The following AGAP1 variants were observed in gnomAD, a reference collection of about 807,000 sequenced individuals.
AGAP1 encodes the protein ArfGAP with GTPase domain, ankyrin repeat and PH domain 1, also known as arf-GAP with GTPase, ANK repeat and PH domain-containing protein 1.
AGAP1 carries 29 observed loss-of-function variants against 105.3 expected under a neutral mutation model. The observed-to-expected ratio is 0.28, with a 90% CI of 0.21 to 0.38. AGAP1 has a LOEUF of 0.38. Ranked by LOEUF, AGAP1 falls within the 10% of genes least tolerant of loss-of-function variation. The probability of loss-of-function intolerance (pLI) is 1.00; values close to 1 mark genes in which losing one functional copy is unlikely to be tolerated. For synonymous variants in AGAP1, 509 were observed against 485.9 expected (o/e 1.05, Z -0.63); for missense variants, 998 against 1,165.1 (o/e 0.86, Z 2.09).
In AGAP1 at chr2:235,622,945, T is replaced by C. The variant is rs1362809182; in HGVS notation, c.164-86234T>C. ...AACCACGTCCCCAGCTATTCCCACC[T>C]GCACACTGGAGGGAAGCAGGAGGGG... On this transcript the variant is annotated intron_variant, in intron 1 of 17. Coordinates refer to ENST00000304032, the MANE Select transcript of AGAP1 (RefSeq NM_001037131.3). The surrounding 1 kb of genome is among the most constrained non-coding windows in gnomAD (Gnocchi z 5.0). Among the ~76,000 whole-genome samples the C allele has an allele frequency of 6.6e-6, 1 of 152,114 alleles. No homozygotes were observed. Among genetic ancestry groups the C allele is most frequent in the Non-Finnish European group, 1.5e-5 (1 of 68,030 alleles).
chr2:235,720,772 A>AG lies in AGAP1; in HGVS notation c.310+3132dup, dbSNP rs1352045388. ...TGGCTGGGATATGTAGACTGCTGGGAGGGGTGAGGGTGAGGGCCTTCCTGT... is the reference window on the plus strand; with the variant it reads ...TGGCTGGGATATGTAGACTGCTGGGAGGGGGTGAGGGTGAGGGCCTTCCTGT... On this transcript the variant is annotated intron_variant, in intron 3 of 17. Transcript: ENST00000304032. The surrounding 1 kb of genome is among the most constrained non-coding windows in gnomAD (Gnocchi z 5.0). The AG allele has an allele frequency of 1.1e-6, 1 of 939,716 alleles. No individual in the cohort carries two copies. Among genetic ancestry groups the AG allele is most frequent in the African/African-American group, 1.8e-5 (1 of 56,046 alleles). 58.2% of individuals were successfully genotyped at this position (939,716 alleles called of 1,614,324 possible).
At chr2:235,526,789 T>A (rs1942857089) in intron 1 of AGAP1, among the ~76,000 whole-genome samples, 4 of 150,852 alleles carry the variant, frequency 2.7e-5, no homozygotes, top group African/African-American at 1.0e-4. Context: ...CTACTTTGGG[T>A]TCAGAATAGT....
chr2:235,640,564 T>A (rs1251232975), intron 1 of AGAP1, among the ~76,000 whole-genome samples: 1 of 152,208 alleles, frequency 6.6e-6, no homozygotes, highest in Non-Finnish European at 1.5e-5. Context: ...TACTGACTGT[T>A]CTCTTCGGTA....
intron 12 of AGAP1, among the ~76,000 whole-genome samples, chr2:235,932,497 C>T (rs1038832816): frequency 1.3e-5 from 2 of 152,206 alleles, no homozygotes; most frequent in Non-Finnish European, 2.9e-5. Context: ...GCCGCCATCT[C>T]GTGAAGGTGT....
In AGAP1 at chr2:235,716,640, G is replaced by T. The variant is rs148507272; in HGVS notation, c.223-917G>T. Among the ~76,000 whole-genome samples, 1 of 152,216 alleles carries T rather than the reference G, an allele frequency of 6.6e-6. No individual in the cohort carries two copies. The highest frequency in any genetic ancestry group is 2.4e-5 in the African/African-American group (1 of 41,540). On this transcript the variant is annotated intron_variant, in intron 2 of 17. Transcript: ENST00000304032. The surrounding 1 kb of genome is among the most constrained non-coding windows in gnomAD (Gnocchi z 4.0). ...ATTTGATCACTAGCGATGTTCTAGTGGGGGAGGAAAAGGTTAAAATGCAGG... is the reference window on the plus strand; with the variant it reads ...ATTTGATCACTAGCGATGTTCTAGTTGGGGAGGAAAAGGTTAAAATGCAGG...
At chr2:235,500,332 A>T (rs1032221899) in intron 1 of AGAP1, among the ~76,000 whole-genome samples, 6 of 151,868 alleles carry the variant, frequency 4.0e-5, no homozygotes, top group Non-Finnish European at 7.4e-5. Context: ...ATGGAAACAG[A>T]TTGCCGGCCC....
In AGAP1 at chr2:236,113,165, G is replaced by C. The variant is rs189517033; in HGVS notation, c.2115-7027G>C. ...GTTTGTTTTGTTTGTTTTTGAGACG[G>C]AGTCTCGCTCTTTTGCCCAGGCTGG... is the stretch of plus-strand genomic sequence containing the variant. On this transcript the variant is annotated intron_variant, in intron 16 of 17. Transcript: ENST00000304032. The surrounding 1 kb of genome is among the most constrained non-coding windows in gnomAD (Gnocchi z 4.3). Among the ~76,000 whole-genome samples, 205 of 152,312 alleles carry C rather than the reference G, an allele frequency of 1.3e-3. No homozygotes were observed. Among genetic ancestry groups the C allele is most frequent in the Non-Finnish European group, 2.5e-3 (171 of 68,032 alleles).
intron 1 of AGAP1, among the ~76,000 whole-genome samples, chr2:235,653,475 A>G (rs1294162017): frequency 7.7e-6 from 1 of 129,084 alleles, no homozygotes; most frequent in African/African-American, 3.2e-5. Flanking sequence ...AAAAATAAAT[A>G]AAATAAAATA....
Position 235,859,466 on chromosome 2 carries a change from A to G in AGAP1, c.1051-23879A>G, listed in dbSNP as rs557654484. 6.6e-5 allele frequency among the ~76,000 whole-genome samples: 9 copies of G among 135,548 alleles called. No homozygotes were observed. In the South Asian group the frequency reaches 1.4e-3, roughly 21 times the overall value. 88.9% of individuals were successfully genotyped at this position (135,548 alleles called of 152,430 possible). On this transcript the variant is annotated intron_variant, in intron 9 of 17. Transcript: ENST00000304032. ...ATATTACCTCTAAAAACGACACACTATTTTGGATCTGCAGCTTTCAGATAG... is the reference window on the plus strand; with the variant it reads ...ATATTACCTCTAAAAACGACACACTGTTTTGGATCTGCAGCTTTCAGATAG...
At chr2:236,085,255 A>G (rs1367807696) in intron 16 of AGAP1, among the ~76,000 whole-genome samples, 5 of 151,760 alleles carry the variant, frequency 3.3e-5, no homozygotes, top group East Asian at 3.9e-4. Context: ...TATTTACCCA[A>G]TTCTGTGACT....
chr2:235,673,636 A>G (rs1185298181), intron 1 of AGAP1, among the ~76,000 whole-genome samples: 1 of 152,244 alleles, frequency 6.6e-6, no homozygotes, highest in Non-Finnish European at 1.5e-5. Context: ...ATTTATGAAA[A>G]GAAGTTCCAT....
rs1408534869 is a variant in AGAP1, at chr2:235,752,145, T to G, written c.673+1657T>G. Among the ~76,000 whole-genome samples, 4 of 152,194 alleles carry G rather than the reference T, an allele frequency of 2.6e-5. No homozygotes were observed. The highest frequency in any genetic ancestry group is 9.6e-5 in the African/African-American group (4 of 41,454). On this transcript the variant is annotated intron_variant, in intron 6 of 17. Coordinates refer to ENST00000304032, the MANE Select transcript of AGAP1 (RefSeq NM_001037131.3). The surrounding 1 kb of genome is among the most constrained non-coding windows in gnomAD (Gnocchi z 4.3). ...CGTAGATGAAGGGTCCCCAGGCCCG[T>G]GCATGAGGCCAGCTGCCTGTTTTCA...
intron 1 of AGAP1, among the ~76,000 whole-genome samples, chr2:235,532,001 G>A (rs975163114): frequency 1.3e-5 from 2 of 152,146 alleles, no homozygotes; most frequent in Non-Finnish European, 2.9e-5. Context: ...ACTTGTTTAA[G>A]TTTTAGAATT....
intron 1 of AGAP1, among the ~76,000 whole-genome samples, chr2:235,545,045 C>T (rs566226768): frequency 1.3e-5 from 2 of 152,266 alleles, no homozygotes; most frequent in South Asian, 2.1e-4. Context: ...CTGAACCTTC[C>T]GTCCCAACCT....
intron 9 of AGAP1, among the ~76,000 whole-genome samples, chr2:235,841,178 G>C (rs1361319724): frequency 1.3e-5 from 2 of 152,076 alleles, no homozygotes; most frequent in African/African-American, 2.4e-5. Flanking sequence ...ACACCGCCTA[G>C]GAGAGGCCCA....
chr2:235,718,713 T>C (rs926875526), intron 3 of AGAP1, among the ~76,000 whole-genome samples: 2 of 152,168 alleles, frequency 1.3e-5, no homozygotes, highest in Admixed American at 6.5e-5. Context: ...TGTGTAGTCA[T>C]GTCATGAACA....
At chr2:235,652,338 C>A (rs568024453) in intron 1 of AGAP1, among the ~76,000 whole-genome samples, 1 of 152,072 alleles carries the variant, frequency 6.6e-6, no homozygotes, top group Non-Finnish European at 1.5e-5. Context: ...TCAGACCCCC[C>A]CTACCCCCCA....
intron 3 of AGAP1, among the ~76,000 whole-genome samples, chr2:235,722,373 A>T (rs1243874157): frequency 6.6e-6 from 1 of 152,172 alleles, no homozygotes; most frequent in Non-Finnish European, 1.5e-5. Context: ...GCGTGAATAT[A>T]CTTTATCCTA....
rs1951007565 is a variant in AGAP1 at position 235,714,633 on chromosome 2, A to G, written c.223-2924A>G. ...TTTAGAAAGGCCACTCTGGCTGATG[A>G]GTAGAGAGTGGGAGCGGCCAGGACT... On this transcript the variant is annotated intron_variant, in intron 2 of 17. Transcript: ENST00000304032. The surrounding 1 kb of genome is among the most constrained non-coding windows in gnomAD (Gnocchi z 4.1). 6.6e-6 allele frequency among the ~76,000 whole-genome samples: 1 copy of G among 152,010 alleles called. No individual in the cohort carries two copies. The highest frequency in any genetic ancestry group is 2.0e-4 in the East Asian group (1 of 5,112).
Sources: allele counts gnomAD v4.1 joint callset (sites outside exome capture counted in the v4.1 genomes callset), GRCh38; gene constraint gnomAD v4.1.1; non-coding constraint Gnocchi (gnomAD v3.1); transcripts MANE v1.5; gene names NCBI Gene and HGNC (gene_info 2026-07-23, HGNC 2026-07-21).